The following PCDHA8 variants were observed in gnomAD, a reference collection of about 807,000 sequenced individuals.
PCDHA8 encodes protocadherin alpha 8, also known as protocadherin alpha-8.
In PCDHA8, 53 loss-of-function variants were observed where a neutral mutation model predicts 61.8. The ratio of observed to expected loss-of-function variants is 0.86; its 90% CI spans 0.69 to 1.08. PCDHA8 has a LOEUF of 1.08. PCDHA8 is among the 50% of genes least tolerant of loss of function. PCDHA8 has a pLI of 0.00. For synonymous variants in PCDHA8, 618 were observed against 556.6 expected, an observed-to-expected ratio of 1.11 and a Z score of -1.55; for missense variants, 1,293 against 1,245.0, an observed-to-expected ratio of 1.04 and a Z score of -0.58.
chr5:140,877,054 C>T (rs1226224209), intron 1 of PCDHA8: 3 of 1,612,658 alleles, frequency 1.9e-6, no homozygotes, highest in African/African-American at 2.7e-5. Flanking sequence ...CCACGAGGAG[C>T]TGGAGCTGCT....
At chr5:140,969,439 T>C (rs1554231802) in intron 1 of PCDHA8, 2 of 1,546,634 alleles carry the variant, frequency 1.3e-6, no homozygotes, top group Admixed American at 3.9e-5. Context: ...AAGAGTTATC[T>C]GGTAAACTGA....
At chr5:141,002,956 G>C (rs782632089) in intron 3 of PCDHA8, among the ~76,000 whole-genome samples, 6 of 152,230 alleles carry the variant, frequency 3.9e-5, no homozygotes, top group Non-Finnish European at 7.3e-5. Context: ...GCCCCTCTGA[G>C]AGCTTTCCTG....
chr5:140,928,731 C>T, intron 1 of PCDHA8: 2 of 1,614,164 alleles, frequency 1.2e-6, no homozygotes, highest in Non-Finnish European at 1.7e-6. Context: ...GAATTTCAGC[C>T]AATATAGGTG....
chr5:140,961,114 A>G (rs2095591473), intron 1 of PCDHA8, among the ~76,000 whole-genome samples: 1 of 152,212 alleles, frequency 6.6e-6, no homozygotes, highest in African/African-American at 2.4e-5. Flanking sequence ...ACCCCCTTGC[A>G]TCTTAATGTC....
intron 3 of PCDHA8, among the ~76,000 whole-genome samples, chr5:140,992,876 A>G (rs1370116402): frequency 6.6e-6 from 1 of 152,178 alleles, no homozygotes; most frequent in Admixed American, 6.5e-5. Flanking sequence ...CCTCCTTGAT[A>G]TTCTAAACAA....
intron 1 of PCDHA8, chr5:140,868,445 T>C (rs1250466502): frequency 6.6e-6 from 1 of 152,220 alleles, no homozygotes; most frequent in Non-Finnish European, 1.5e-5. Flanking sequence ...ATGTGGAACA[T>C]AAACACTAAA....
At chr5:140,927,183 C>T (rs1554204140) in intron 1 of PCDHA8, 12 of 1,614,160 alleles carry the variant, frequency 7.4e-6, no homozygotes, top group Non-Finnish European at 1.0e-5. Context: ...TCTTGACCTA[C>T]GACCTGGTGC....
At chr5:140,849,920 C>A in intron 1 of PCDHA8, 1 of 1,598,384 alleles carries the variant, frequency 6.3e-7, no homozygotes, top group Non-Finnish European at 8.6e-7. Context: ...GCCACATCTT[C>A]ACGGTGTCTG....
chr5:140,927,218 A>T, intron 1 of PCDHA8: 1 of 1,614,090 alleles, frequency 6.2e-7, no homozygotes, highest in Non-Finnish European at 8.5e-7. Flanking sequence ...GAGCTGCACA[A>T]GATTCGGATT....
chr5:140,941,447 C>T (rs1180553779), intron 1 of PCDHA8, among the ~76,000 whole-genome samples: 1 of 150,780 alleles, frequency 6.6e-6, no homozygotes, highest in South Asian at 2.1e-4. Flanking sequence ...TCGGGAGTAG[C>T]TGGGATTACA....
chr5:140,877,062 G>T, intron 1 of PCDHA8: 3 of 1,612,992 alleles, frequency 1.9e-6, no homozygotes, highest in Non-Finnish European at 2.5e-6. Flanking sequence ...AGCTGGAGCT[G>T]CTGCAGTTCC....
intron 1 of PCDHA8, chr5:140,852,818 G>A: frequency 1.0e-6 from 1 of 971,786 alleles, no homozygotes; most frequent in Non-Finnish European, 1.2e-6. Flanking sequence ...CCCGCCCTAA[G>A]TCCTCCAGTC....
chr5:140,862,294 T>G, intron 1 of PCDHA8: 1 of 269,096 alleles, frequency 3.7e-6, no homozygotes, highest in Non-Finnish European at 7.3e-6. Context: ...AGGAGGACGC[T>G]CCACTGGGTA....
intron 1 of PCDHA8, chr5:140,884,831 A>G (rs918582598): frequency 4.3e-6 from 4 of 939,604 alleles, no homozygotes; most frequent in Non-Finnish European, 6.0e-6. Flanking sequence ...GTGTTGGATT[A>G]TCCTTCAGAG....
chr5:141,001,478 A>G, intron 3 of PCDHA8, among the ~76,000 whole-genome samples: 1 of 152,236 alleles, frequency 6.6e-6, no homozygotes, highest in Non-Finnish European at 1.5e-5. Context: ...GCAGCGGGGA[A>G]GTGCTGGAAA....
At chr5:140,884,520 C>A (rs782029549) in intron 1 of PCDHA8, 1 of 1,614,036 alleles carries the variant, frequency 6.2e-7, no homozygotes, top group Non-Finnish European at 8.5e-7. Flanking sequence ...TGGTCGTACT[C>A]GCAGCAGAGG....
intron 1 of PCDHA8, among the ~76,000 whole-genome samples, chr5:140,963,057 A>G (rs1004095673): frequency 1.3e-5 from 2 of 152,186 alleles, no homozygotes; most frequent in African/African-American, 4.8e-5. Context: ...AAGGGTTTCT[A>G]CATTGTGAAG....
At chr5:140,953,554 A>C (rs1554220985) in intron 1 of PCDHA8, among the ~76,000 whole-genome samples, 2 of 152,044 alleles carry the variant, frequency 1.3e-5, no homozygotes, top group Non-Finnish European at 2.9e-5. Flanking sequence ...TCTTTTCTCC[A>C]AGTTTTAGTG....
intron 3 of PCDHA8, among the ~76,000 whole-genome samples, chr5:141,007,395 CAAA>C (rs35800918): frequency 0.057 from 5,421 of 94,854 alleles, 127 homozygotes; most frequent in South Asian, 0.13. Context: ...TACTAAAATA[CAAA>C]AAAAAAAAAA....
Sources: gnomAD v4.1 joint callset for allele counts (sites outside exome capture counted in the v4.1 genomes callset) on GRCh38, gnomAD v4.1.1 for gene constraint, MANE v1.5 for transcripts, NCBI Gene and HGNC (gene_info 2026-07-23, HGNC 2026-07-21) for gene names.